Variants in FSTL4 observed in about 807,000 individuals in gnomAD.
The protein encoded by FSTL4 is follistatin like 4, also known as follistatin-related protein 4.
A neutral mutation model predicts 78.2 loss-of-function variants in FSTL4; 28 were observed. The ratio of observed to expected loss-of-function variants is 0.36; its 90% CI spans 0.27 to 0.49. The LOEUF is 0.49. Among genes scored for constraint, FSTL4 ranks in the 20% least tolerant of loss-of-function variants. The pLI, the probability that FSTL4 is intolerant of heterozygous loss-of-function variation, is 0.98. For synonymous variants in FSTL4, 422 were observed against 440.5 expected (o/e 0.96, Z 0.53); for missense variants, 922 against 1,084.9 (o/e 0.85, Z 2.11).
At chr5:133,824,603 G>T in the FSTL4 span, among the ~76,000 whole-genome samples, 1 of 152,186 alleles carries the variant, frequency 6.6e-6, no homozygotes, top group African/African-American at 2.4e-5. Context: ...GCATGACTCA[G>T]CTCCATCAGA....
At chr5:133,773,173 T>C in the FSTL4 span, among the ~76,000 whole-genome samples, 10 of 151,680 alleles carry the variant, frequency 6.6e-5, no homozygotes, top group Non-Finnish European at 1.5e-4. Flanking sequence ...CTTCATTATA[T>C]ACCATTCAAG....
intron 7 of FSTL4, among the ~76,000 whole-genome samples, chr5:133,243,055 C>T (rs1007173735): frequency 4.6e-5 from 7 of 152,166 alleles, no homozygotes; most frequent in South Asian, 2.1e-4. Flanking sequence ...TGAGAGCATA[C>T]GCTTCATTAG....
At chr5:133,248,534 C>T (rs1752114158) in intron 7 of FSTL4, 4 of 152,260 alleles carry the variant, frequency 2.6e-5, no homozygotes, top group Admixed American at 2.6e-4. Flanking sequence ...TGTGCCAAAC[C>T]TGGACCAATA....
At chr5:133,507,143 G>A (rs1758626337) in intron 3 of FSTL4, among the ~76,000 whole-genome samples, 1 of 152,196 alleles carries the variant, frequency 6.6e-6, no homozygotes, top group South Asian at 2.1e-4. Context: ...AGGAGGCAGA[G>A]ATTGCAGTGA....
chr5:133,503,954 T>A (rs1230370664), intron 3 of FSTL4, among the ~76,000 whole-genome samples: 1 of 152,142 alleles, frequency 6.6e-6, no homozygotes, highest in Non-Finnish European at 1.5e-5. Flanking sequence ...AGAAAACATG[T>A]CCTTCTTCAC....
chr5:133,462,319 C>T (rs1486324525), intron 3 of FSTL4, among the ~76,000 whole-genome samples: 1 of 152,268 alleles, frequency 6.6e-6, no homozygotes, highest in Non-Finnish European at 1.5e-5. Flanking sequence ...CTCCCTCTCC[C>T]CACACCCTGG....
At chr5:133,476,169 G>A (rs1757922141) in intron 3 of FSTL4, among the ~76,000 whole-genome samples, 1 of 152,172 alleles carries the variant, frequency 6.6e-6, no homozygotes, top group Non-Finnish European at 1.5e-5. Context: ...CGGATAAGAG[G>A]CTTGCTGAAC....
At chr5:133,452,532 T>C (rs989279581) in intron 3 of FSTL4, among the ~76,000 whole-genome samples, 1 of 152,250 alleles carries the variant, frequency 6.6e-6, no homozygotes, top group Non-Finnish European at 1.5e-5. Flanking sequence ...TAACATCTAG[T>C]GCTTTACTAA....
At chr5:133,721,215 T>C in the FSTL4 span, among the ~76,000 whole-genome samples, 2 of 152,250 alleles carry the variant, frequency 1.3e-5, no homozygotes, top group Admixed American at 1.3e-4. Context: ...ACAATTTACA[T>C]ATTTTTATAT....
the FSTL4 span, among the ~76,000 whole-genome samples, chr5:133,677,088 T>C: frequency 5.9e-5 from 9 of 152,222 alleles, no homozygotes; most frequent in African/African-American, 2.2e-4. Flanking sequence ...AATTTAGTCT[T>C]TGGAAAAGAT....
intron 3 of FSTL4, among the ~76,000 whole-genome samples, chr5:133,553,606 T>C (rs1020148783): frequency 6.6e-5 from 10 of 152,226 alleles, no homozygotes; most frequent in African/African-American, 9.6e-5. Flanking sequence ...TCTGGCTACA[T>C]TGGACTATTG....
chr5:133,427,570 G>T, intron 3 of FSTL4: 1 of 507,708 alleles, frequency 2.0e-6, no homozygotes, highest in Non-Finnish European at 4.2e-6. Context: ...ATTAGTGCAC[G>T]CAATGGCGGG....
chr5:133,221,899 T>TGTTTTG (rs1751127152), intron 11 of FSTL4, among the ~76,000 whole-genome samples: 2 of 90,108 alleles, frequency 2.2e-5, no homozygotes, highest in East Asian at 4.9e-4. Flanking sequence ...TAGTTTTTTT[T>TGTTTTG]TTTTTTTTTT....
intron 4 of FSTL4, among the ~76,000 whole-genome samples, chr5:133,352,240 A>C (rs1175543158): frequency 7.7e-6 from 1 of 130,660 alleles, no homozygotes; most frequent in African/African-American, 2.7e-5. Flanking sequence ...TCACACACAT[A>C]TATATATACA....
chr5:133,255,319 G>A (rs1266937196), intron 6 of FSTL4, among the ~76,000 whole-genome samples: 1 of 152,250 alleles, frequency 6.6e-6, no homozygotes, highest in Non-Finnish European at 1.5e-5. Context: ...TGCCCACAGA[G>A]GGACTGACGC....
At chr5:133,217,402 A>C in intron 12 of FSTL4, 24 bp from the exon 13 acceptor site, 1 of 1,611,038 alleles carries the variant, frequency 6.2e-7, no homozygotes, top group Non-Finnish European at 8.5e-7. Context: ...AGGCTGTCAT[A>C]TATCTTCTTA....
At chr5:133,796,232 A>T in the FSTL4 span, among the ~76,000 whole-genome samples, 1 of 152,228 alleles carries the variant, frequency 6.6e-6, no homozygotes, top group Non-Finnish European at 1.5e-5. Flanking sequence ...CTGCTGCTCA[A>T]ATCCCTTATG....
In FSTL4 at chr5:133,197,013, G is replaced by A. The variant is rs1038239627; in HGVS notation, c.*2082C>T. 2 of 152,336 alleles carry A rather than the reference G, an allele frequency of 1.3e-5. No homozygotes were observed. The highest frequency in any genetic ancestry group is 4.8e-5 in the African/African-American group (2 of 41,570). The allele number at this position is 152,336 out of a possible 1,614,324, so 9.4% of individuals were successfully genotyped here. ...GGAAGGGACAGTGGGGGAGAAGCAG[G>A]TGCTGCAGAAGTTGACTCTGTCACT... is the stretch of plus-strand genomic sequence containing the variant. On this transcript the variant is annotated 3_prime_UTR_variant, in exon 16 of 16. Coordinates refer to ENST00000265342, the MANE Select transcript of FSTL4 (RefSeq NM_015082.2).
At chr5:133,800,372 GGAA>G in the FSTL4 span, among the ~76,000 whole-genome samples, 1 of 138,262 alleles carries the variant, frequency 7.2e-6, no homozygotes, top group Non-Finnish European at 1.6e-5. Context: ...AGGCGACATT[GGAA>G]GAAGAAAAAT....
Sources: allele counts gnomAD v4.1 joint callset (sites outside exome capture counted in the v4.1 genomes callset), GRCh38; gene constraint gnomAD v4.1.1; transcripts MANE v1.5; gene names NCBI Gene and HGNC (gene_info 2026-07-23, HGNC 2026-07-21).